Variants in FCHO2 observed in about 807,000 individuals in gnomAD.
FCHO2 encodes FCH and mu domain containing endocytic adaptor 2, also known as F-BAR domain only protein 2.
Under a neutral mutation model 114.1 loss-of-function variants are expected in FCHO2, and 43 were observed. The ratio of observed to expected loss-of-function variants is 0.38; its 90% CI spans 0.30 to 0.49. FCHO2 has a LOEUF of 0.49. Among genes scored for constraint, FCHO2 ranks in the 20% least tolerant of loss-of-function variants. The pLI is 0.97. For synonymous variants in FCHO2, 293 were observed against 315.2 expected, an observed-to-expected ratio of 0.93 and a Z score of 0.75; for missense variants, 807 against 950.4, an observed-to-expected ratio of 0.85 and a Z score of 1.98.
chr5:73,034,550 G>T, intron 8 of FCHO2, 107 bp from the exon 9 acceptor site: 1 of 750,028 alleles, frequency 1.3e-6, no homozygotes, highest in Non-Finnish European at 2.1e-6. Context: ...AAAAAGATGC[G>T]TTGTCAATTA....
chr5:73,052,213 G>T lies in FCHO2; in HGVS notation c.998-119G>T, dbSNP rs368599071. 3.9e-6 allele frequency: 4 copies of T among 1,022,434 alleles called. No individual in the cohort carries two copies. The African/African-American group carries it at 6.6e-5, about 17-fold the overall frequency. 63.3% of individuals were successfully genotyped at this position (1,022,434 alleles called of 1,614,324 possible). ...CCTGGGATTACAGGCGTGAGCCGTC[G>T]CACCCGGCCCAAAGTCTGTGTAACT... is the stretch of plus-strand genomic sequence containing the variant. On this transcript the variant is annotated intron_variant, in intron 12 of 25. Coordinates refer to ENST00000430046, the MANE Select transcript of FCHO2 (RefSeq NM_138782.3).
Position 73,081,780 on chromosome 5 carries a change from A to T in FCHO2, c.1981-3A>T. On this transcript the variant is annotated splice_polypyrimidine_tract_variant and splice_region_variant and intron_variant, in intron 22 of 25. Coordinates refer to ENST00000430046, the MANE Select transcript of FCHO2 (RefSeq NM_138782.3). Reference sequence around the variant, plus strand: ...ACAATTGTTTGTTCTTTTCTCTTTAAAGGTATCATCAAATGGTATTCAGTC... The same window carrying T: ...ACAATTGTTTGTTCTTTTCTCTTTATAGGTATCATCAAATGGTATTCAGTC... 1 of 1,498,352 alleles carries T rather than the reference A, an allele frequency of 6.7e-7. No homozygotes were observed. The highest frequency in any genetic ancestry group is 2.5e-5 in the East Asian group (1 of 40,704). The allele number at this position is 1,498,352 out of a possible 1,614,324, so 92.8% of individuals were successfully genotyped here. A position where few individuals can be genotyped will look rare whatever the true frequency, so the allele number is the denominator to read the frequency against.
chr5:73,087,802 A>T (rs1469987375), intron 25 of FCHO2, 49 bp downstream of exon 25: 6 of 1,523,182 alleles, frequency 3.9e-6, no homozygotes, highest in Non-Finnish European at 5.3e-6. Context: ...AAACATTTGT[A>T]TTCTAACAGT....
At chr5:72,975,069 G>A (rs1752782718) in intron 2 of FCHO2, among the ~76,000 whole-genome samples, 1 of 152,154 alleles carries the variant, frequency 6.6e-6, no homozygotes, top group Non-Finnish European at 1.5e-5. Flanking sequence ...AGTGGTCACT[G>A]CTCTAAGGAT....
intron 8 of FCHO2, among the ~76,000 whole-genome samples, chr5:73,026,551 TC>T (rs1755931001): frequency 1.3e-5 from 2 of 152,226 alleles, no homozygotes; most frequent in Admixed American, 6.5e-5. Context: ...TAGTCAGTTA[TC>T]TATTGAAAGA....
At chr5:73,006,335 T>C in intron 5 of FCHO2, 110 bp from the exon 6 acceptor site, 1 of 598,040 alleles carries the variant, frequency 1.7e-6, no homozygotes, top group Non-Finnish European at 2.6e-6. Flanking sequence ...TAGTTATATG[T>C]CATATTGAAC....
At chr5:73,046,323 C>A (rs571918591) in intron 11 of FCHO2, among the ~76,000 whole-genome samples, 1 of 152,124 alleles carries the variant, frequency 6.6e-6, no homozygotes, top group South Asian at 2.1e-4. Context: ...TGTTTGACCC[C>A]CCCAAAATGC....
chr5:73,041,435 A>G (rs1337556477), intron 11 of FCHO2, 120 bp downstream of exon 11: 2 of 559,372 alleles, frequency 3.6e-6, no homozygotes, highest in Admixed American at 7.9e-5. Context: ...CATATTGTAA[A>G]TTCACTATTA....
At chr5:73,020,126 G>T (rs1484807321) in intron 8 of FCHO2, among the ~76,000 whole-genome samples, 1 of 152,148 alleles carries the variant, frequency 6.6e-6, no homozygotes, top group Non-Finnish European at 1.5e-5. Flanking sequence ...AATAAAAACT[G>T]CCAGACCCCT....
intron 2 of FCHO2, among the ~76,000 whole-genome samples, chr5:72,974,308 A>T (rs1752739181): frequency 1.5e-5 from 2 of 136,870 alleles, no homozygotes; most frequent in South Asian, 4.6e-4. Flanking sequence ...TGGGGTGTTA[A>T]AGTCTCCCAT....
At position 72,956,726 on chromosome 5, in the gene FCHO2, A is replaced by C. The variant is rs1333490147; in HGVS notation, c.33+597A>C. Among the ~76,000 whole-genome samples the C allele has an allele frequency of 2.6e-5, 4 of 152,126 alleles. No homozygotes were observed. The East Asian group carries it at 7.7e-4, about 29-fold the overall frequency. ...TCTGGGCCTGTTCACAAAGCGTTTA[A>C]AAGTTGGATTTAATGTAACTGGACT... is the stretch of plus-strand genomic sequence containing the variant. On this transcript the variant is annotated intron_variant, in intron 1 of 25. Transcript: ENST00000430046.
intron 20 of FCHO2, 40 bp from the exon 21 acceptor site, chr5:73,077,298 G>C (rs1254487003): frequency 6.5e-7 from 1 of 1,528,340 alleles, no homozygotes; most frequent in Non-Finnish European, 8.8e-7. Flanking sequence ...ATAGAGATTA[G>C]AGCATTTTAT....
At position 73,088,799 on chromosome 5, in the gene FCHO2, A is replaced by T. The variant is rs561871381; in HGVS notation, c.*709A>T. The stretch of plus-strand genomic sequence containing the variant: ...TATAGGAGTTGTGATTTTTTTGATG[A>T]ATTAATGCTGTAGATTTAATTTATT... On this transcript the variant is annotated 3_prime_UTR_variant, in exon 26 of 26. Coordinates refer to ENST00000430046, the MANE Select transcript of FCHO2 (RefSeq NM_138782.3). 50 of 152,718 alleles carry T rather than the reference A, an allele frequency of 3.3e-4. No homozygotes were observed. The highest frequency in any genetic ancestry group is 1.2e-3 in the African/African-American group (48 of 41,568). The allele number at this position is 152,718 out of a possible 1,614,324, so 9.5% of individuals were successfully genotyped here.
intron 22 of FCHO2, among the ~76,000 whole-genome samples, chr5:73,080,142 A>T (rs868300478): frequency 4.6e-5 from 7 of 152,218 alleles, no homozygotes; most frequent in African/African-American, 1.4e-4. Flanking sequence ...GCCCTTGTAA[A>T]TTTGTAAGCA....
chr5:72,993,209 GA>G (rs1753901634), intron 5 of FCHO2, among the ~76,000 whole-genome samples: 1 of 151,658 alleles, frequency 6.6e-6, no homozygotes, highest in African/African-American at 2.4e-5. Flanking sequence ...CTACTAGATA[GA>G]AAAAAACAGC....
intron 24 of FCHO2, 39 bp downstream of exon 24, chr5:73,082,864 C>T (rs1743164917): frequency 1.4e-6 from 2 of 1,455,622 alleles, no homozygotes; most frequent in African/African-American, 1.5e-5. Flanking sequence ...AAAATGATGT[C>T]ACTGAAAATT....
intron 5 of FCHO2, among the ~76,000 whole-genome samples, chr5:72,997,992 CA>C (rs1289685264): frequency 6.6e-6 from 1 of 151,530 alleles, no homozygotes. Flanking sequence ...AAAGAGAAGC[CA>C]AGTCAGCTTT....
intron 16 of FCHO2, among the ~76,000 whole-genome samples, chr5:73,058,201 G>T (rs777451495): frequency 6.6e-6 from 1 of 151,740 alleles, no homozygotes; most frequent in African/African-American, 2.4e-5. Flanking sequence ...GTGTATATTG[G>T]GTCTTGCTAT....
intron 1 of FCHO2, among the ~76,000 whole-genome samples, chr5:72,961,946 C>G (rs1431795086): frequency 6.6e-6 from 1 of 152,184 alleles, no homozygotes; most frequent in African/African-American, 2.4e-5. Context: ...ATAACATACA[C>G]TCCACTAGGT....
Sources: gnomAD v4.1 joint callset for allele counts (sites outside exome capture counted in the v4.1 genomes callset) on GRCh38, gnomAD v4.1.1 for gene constraint, MANE v1.5 for transcripts, NCBI Gene and HGNC (gene_info 2026-07-23, HGNC 2026-07-21) for gene names.